GALNTL6: variants seen among roughly 807,000 people sequenced by gnomAD.
GALNTL6 encodes the protein polypeptide N-acetylgalactosaminyltransferase like 6, also known as polypeptide N-acetylgalactosaminyltransferase-like 6.
In GALNTL6, 46 loss-of-function variants were observed where a neutral mutation model predicts 73.7. That is an observed-to-expected ratio of 0.62 (90% CI 0.49 to 0.80). GALNTL6 has a LOEUF of 0.80. Among genes scored for constraint, GALNTL6 ranks in the 30% least tolerant of loss-of-function variants. GALNTL6 has a pLI of 0.00. For synonymous variants in GALNTL6, 259 were observed against 263.7 expected, an observed-to-expected ratio of 0.98 and a Z score of 0.17; for missense variants, 604 against 755.0, an observed-to-expected ratio of 0.80 and a Z score of 2.34.
intron 3 of GALNTL6, among the ~76,000 whole-genome samples, chr4:172,281,012 A>G (rs1325304815): frequency 6.6e-6 from 1 of 151,642 alleles, no homozygotes; most frequent in Non-Finnish European, 1.5e-5. Flanking sequence ...ATACAAAAAA[A>G]AAAAAAATTA....
At chr4:171,843,040 A>G (rs1735278387) in intron 2 of GALNTL6, among the ~76,000 whole-genome samples, 1 of 152,074 alleles carries the variant, frequency 6.6e-6, no homozygotes, top group South Asian at 2.1e-4. Context: ...CACTTTTTAG[A>G]CCATTTTTCT....
intron 5 of GALNTL6, among the ~76,000 whole-genome samples, chr4:172,631,521 C>T (rs992796447): frequency 3.3e-5 from 5 of 152,068 alleles, no homozygotes; most frequent in African/African-American, 9.7e-5. Flanking sequence ...AATGTTTTTC[C>T]GACTGTCAAT....
intron 5 of GALNTL6, among the ~76,000 whole-genome samples, chr4:172,801,391 GCT>G (rs535450621): frequency 6.6e-6 from 1 of 151,922 alleles, no homozygotes; most frequent in Non-Finnish European, 1.5e-5. Context: ...TTTAACTATA[GCT>G]CTCTCTCTCC....
chr4:172,327,800 G>A (rs34996867), intron 4 of GALNTL6, among the ~76,000 whole-genome samples: 23,441 of 151,884 alleles, frequency 0.15, 1,928 homozygotes, highest in East Asian at 0.19. Flanking sequence ...CATGTCAGAT[G>A]GGTCTTTTGA....
intron 12 of GALNTL6, among the ~76,000 whole-genome samples, chr4:173,033,250 G>A (rs1237515437): frequency 1.3e-5 from 2 of 152,048 alleles, no homozygotes; most frequent in Non-Finnish European, 2.9e-5. Flanking sequence ...AGTTCCACCC[G>A]CCTCGGCCTC....
At chr4:172,998,475 C>G (rs948944713) in intron 10 of GALNTL6, among the ~76,000 whole-genome samples, 1 of 152,126 alleles carries the variant, frequency 6.6e-6, no homozygotes, top group African/African-American at 2.4e-5. Context: ...CTGCTTTTCT[C>G]CTGTATATAT....
chr4:172,563,886 G>A (rs2110932332), intron 5 of GALNTL6, among the ~76,000 whole-genome samples: 1 of 152,148 alleles, frequency 6.6e-6, no homozygotes, highest in East Asian at 1.9e-4. Context: ...CACTTGAGAG[G>A]AACTTATAGT....
intron 4 of GALNTL6, among the ~76,000 whole-genome samples, chr4:172,325,076 A>T (rs745868543): frequency 1.8e-4 from 28 of 151,796 alleles, no homozygotes; most frequent in Non-Finnish European, 3.2e-4. Context: ...TGAACAGATT[A>T]ATTAAATTTC....
chr4:172,015,466 A>G (rs530648679), intron 2 of GALNTL6, among the ~76,000 whole-genome samples: 42 of 152,258 alleles, frequency 2.8e-4, no homozygotes, highest in African/African-American at 9.9e-4. Flanking sequence ...TCTTGAAGAC[A>G]GCAGATACTT....
intron 10 of GALNTL6, among the ~76,000 whole-genome samples, chr4:172,974,167 T>C (rs1218666032): frequency 2.0e-5 from 3 of 152,230 alleles, no homozygotes; most frequent in Non-Finnish European, 2.9e-5. Flanking sequence ...TCCTGTCATG[T>C]TGAAATGGCA....
In GALNTL6 at chr4:172,771,975, A is replaced by G. The variant is rs1349700612; in HGVS notation, c.554-37386A>G. ...CCCGAGATTGGGCAATTTACAGAAGAAGGAGCTTTAATGGACTCACAGTTC... is the reference window on the plus strand; with the variant it reads ...CCCGAGATTGGGCAATTTACAGAAGGAGGAGCTTTAATGGACTCACAGTTC... On this transcript the variant is annotated intron_variant, in intron 5 of 12. Coordinates refer to ENST00000506823, the MANE Select transcript of GALNTL6 (RefSeq NM_001034845.3). Among the ~76,000 whole-genome samples, 8 of 152,182 alleles carry G rather than the reference A, an allele frequency of 5.3e-5. No individual in the cohort carries two copies. In the East Asian group the frequency reaches 1.3e-3, roughly 26 times the overall value.
At position 173,040,219 on chromosome 4, in the gene GALNTL6, T is replaced by C. The variant is rs1034881489; in HGVS notation, c.*119T>C. 8 of 706,632 alleles carry C rather than the reference T, an allele frequency of 1.1e-5. No homozygotes were observed. In the African/African-American group the frequency reaches 1.3e-4, roughly 11 times the overall value. 43.8% of individuals were successfully genotyped at this position (706,632 alleles called of 1,614,324 possible). A position where few individuals can be genotyped will look rare whatever the true frequency, so the allele number is the denominator to read the frequency against. On this transcript the variant is annotated 3_prime_UTR_variant, in exon 13 of 13. Coordinates refer to ENST00000506823, the MANE Select transcript of GALNTL6 (RefSeq NM_001034845.3). ...GATCCAGGAAGGCTGGTTTAAAAAT[T>C]TGCAAATGCCATGTCAAAGTAGGTT...
intron 2 of GALNTL6, among the ~76,000 whole-genome samples, chr4:171,956,111 T>G (rs910908389): frequency 2.1e-5 from 3 of 142,248 alleles, no homozygotes; most frequent in African/African-American, 8.0e-5. Flanking sequence ...CAAGTGATCC[T>G]CCCGCCACAG....
At chr4:172,382,021 G>A (rs1467632351) in intron 5 of GALNTL6, among the ~76,000 whole-genome samples, 1 of 152,204 alleles carries the variant, frequency 6.6e-6, no homozygotes, top group African/African-American at 2.4e-5. Flanking sequence ...CCAGGCTGGA[G>A]TGCAATGGCA....
intron 2 of GALNTL6, among the ~76,000 whole-genome samples, chr4:172,219,223 A>ATATATATAT (rs56923371): frequency 2.8e-5 from 4 of 142,014 alleles, no homozygotes; most frequent in Non-Finnish European, 4.6e-5. Context: ...ATATATATAT[A>ATATATATAT]ATCCTTCTGT....
In GALNTL6 at chr4:172,885,885, T is replaced by C. The variant is rs1232799585; in HGVS notation, c.1041+2978T>C. Among the ~76,000 whole-genome samples, 5 of 152,216 alleles carry C rather than the reference T, an allele frequency of 3.3e-5. No individual in the cohort carries two copies. The South Asian group carries it at 1.0e-3, about 32-fold the overall frequency. On this transcript the variant is annotated intron_variant, in intron 8 of 12. Coordinates refer to ENST00000506823, the MANE Select transcript of GALNTL6 (RefSeq NM_001034845.3). ...ATTGATTTGTATACGTTGAACCATC[T>C]TTGCATCTTTGGGATGAAGCCCACT...
intron 9 of GALNTL6, among the ~76,000 whole-genome samples, chr4:172,933,595 T>C (rs1748464124): frequency 1.3e-5 from 2 of 152,122 alleles, no homozygotes; most frequent in South Asian, 2.1e-4. Context: ...CAGAAAGTCA[T>C]AAATATTAAA....
At chr4:172,496,981 G>C (rs1415766596) in intron 5 of GALNTL6, among the ~76,000 whole-genome samples, 3 of 152,150 alleles carry the variant, frequency 2.0e-5, no homozygotes, top group African/African-American at 7.2e-5. Context: ...ATTTGAAACT[G>C]TAGTTTGAAA....
intron 2 of GALNTL6, among the ~76,000 whole-genome samples, chr4:171,903,285 C>G (rs532496325): frequency 6.6e-6 from 1 of 152,106 alleles, no homozygotes; most frequent in South Asian, 2.1e-4. Context: ...AGTGGGTGCG[C>G]GCACCGTGCG....
Sources: allele counts gnomAD v4.1 joint callset (sites outside exome capture counted in the v4.1 genomes callset), GRCh38; gene constraint gnomAD v4.1.1; transcripts MANE v1.5; gene names NCBI Gene and HGNC (gene_info 2026-07-23, HGNC 2026-07-21).